The following PPFIA1 variants were observed in gnomAD, a reference collection of about 807,000 sequenced individuals.
PPFIA1 encodes PPFI scaffold protein A1.
In PPFIA1, 25 loss-of-function variants were observed where a neutral mutation model predicts 149.9. That is an observed-to-expected ratio of 0.17 (90% CI 0.12 to 0.23). PPFIA1 has a LOEUF of 0.23. PPFIA1 is among the 10% of genes least tolerant of loss of function. The pLI is 1.00. For missense variants in PPFIA1, 1,362 were observed against 1,506.5 expected (o/e 0.90, Z 1.59); for synonymous variants, 549 against 552.8 (o/e 0.99, Z 0.10).
chr11:70,332,412 A>G (rs752932721), intron 9 of PPFIA1, among the ~76,000 whole-genome samples: 7 of 152,194 alleles, frequency 4.6e-5, no homozygotes, highest in Admixed American at 2.6e-4. Context: ...AAAGAAGGGT[A>G]GTTTTTCTCA....
At chr11:70,292,022 A>G (rs1371445256) in intron 2 of PPFIA1, among the ~76,000 whole-genome samples, 1 of 151,964 alleles carries the variant, frequency 6.6e-6, no homozygotes, top group Non-Finnish European at 1.5e-5. Flanking sequence ...TATTTTTAGT[A>G]GAGACGGGGT....
At chr11:70,299,904 C>A (rs1281573445) in intron 2 of PPFIA1, among the ~76,000 whole-genome samples, 1 of 152,238 alleles carries the variant, frequency 6.6e-6, no homozygotes, top group Non-Finnish European at 1.5e-5. Flanking sequence ...TAACCTCAGC[C>A]ATCGCTTTGG....
intron 24 of PPFIA1, 111 bp from the exon 25 acceptor site, chr11:70,376,421 C>A: frequency 1.9e-6 from 2 of 1,076,998 alleles, no homozygotes; most frequent in Non-Finnish European, 2.8e-6. Context: ...GCCACCAGAC[C>A]CAGCCAGCAG....
chr11:70,382,109 G>A lies in PPFIA1; in HGVS notation c.3572G>A (p.Arg1191Lys). The A allele has an allele frequency of 1.2e-6, 2 of 1,614,070 alleles. No homozygotes were observed. Among genetic ancestry groups the A allele is most frequent in the Non-Finnish European group, 1.7e-6 (2 of 1,179,986 alleles). ...ACAGGCAATGTATCAGGAACACAGA[G>A]GTTGGATTCTGCTACAGTCAGGACT... ...QMDGNVSGTQ[R>K]LDSATVRTYS... Residue 1191 changes from arginine (R) to lysine (K), a missense_variant, in exon 27 of 28, where the codon AGG becomes AAG. By Grantham distance (26) the Arg-to-Lys change is conservative (BLOSUM62 2). This residue lies in a region of PPFIA1 where 349 missense variants were observed against 373.3 expected (regional missense o/e 0.93). Coordinates refer to ENST00000253925, the MANE Select transcript of PPFIA1 (RefSeq NM_003626.5).
At chr11:70,333,022 T>C in intron 9 of PPFIA1, 1 of 457,090 alleles carries the variant, frequency 2.2e-6, no homozygotes, top group South Asian at 1.5e-5. Context: ...GGCTTTGTAG[T>C]CTGACCTTTT....
chr11:70,344,140 G>A (rs1048681802), intron 15 of PPFIA1, among the ~76,000 whole-genome samples: 1 of 152,228 alleles, frequency 6.6e-6, no homozygotes, highest in Admixed American at 6.5e-5. Flanking sequence ...TGTGGGACCT[G>A]AGAGGTCCTT....
chr11:70,364,234 T>C (rs2056805817), intron 21 of PPFIA1: 1 of 152,192 alleles, frequency 6.6e-6, no homozygotes, highest in Non-Finnish European at 1.5e-5. Flanking sequence ...AGTTCACAAA[T>C]CTGCAAATGT....
chr11:70,356,318 G>A (rs925417178), intron 19 of PPFIA1, 64 bp downstream of exon 19: 1 of 1,244,144 alleles, frequency 8.0e-7, no homozygotes, highest in African/African-American at 1.5e-5. Context: ...GCTCTAACTA[G>A]TGTTTGTTAA....
At chr11:70,303,817 C>T (rs903160314) in intron 2 of PPFIA1, among the ~76,000 whole-genome samples, 1 of 152,102 alleles carries the variant, frequency 6.6e-6, no homozygotes, top group African/African-American at 2.4e-5. Context: ...AGCAGCCTGG[C>T]CAACATGGTG....
chr11:70,382,230 A>C, intron 27 of PPFIA1, 72 bp downstream of exon 27: 1 of 1,206,456 alleles, frequency 8.3e-7, no homozygotes, highest in Non-Finnish European at 1.2e-6. Flanking sequence ...CTGCAGTGCC[A>C]GACTAGGGGT....
intron 19 of PPFIA1, among the ~76,000 whole-genome samples, chr11:70,357,739 C>T (rs1289931025): frequency 6.6e-6 from 1 of 152,062 alleles, no homozygotes; most frequent in Non-Finnish European, 1.5e-5. Flanking sequence ...AGGCGCCCGC[C>T]ACCACACCCG....
intron 17 of PPFIA1, among the ~76,000 whole-genome samples, chr11:70,355,286 C>G (rs996027036): frequency 2.0e-5 from 3 of 152,122 alleles, no homozygotes; most frequent in Non-Finnish European, 4.4e-5. Flanking sequence ...TTGCAGTAAC[C>G]CCTCAGGCAG....
Position 70,378,136 on chromosome 11 carries a change from TCC to T in PPFIA1, c.3492_3493del (p.Phe1164LeufsTer52). 6.2e-7 allele frequency: 1 copy of T among 1,614,110 alleles called. No individual in the cohort carries two copies. On this transcript the variant is annotated frameshift_variant, in exon 26 of 28. Transcript: ENST00000253925. LOFTEE classifies it high-confidence loss of function. The stretch of plus-strand genomic sequence containing the variant: ...TCAGCAGAGACTCTCCCTGCAAACT[TCC>T]GGGTGACTTCTTCTATGTCTTCCCC...
At chr11:70,279,722 G>GGGGTGTGT (rs1264108021) in intron 2 of PPFIA1, among the ~76,000 whole-genome samples, 2 of 135,308 alleles carry the variant, frequency 1.5e-5, no homozygotes, top group African/African-American at 5.7e-5. Flanking sequence ...TATGTGTCTA[G>GGGGTGTGT]GTGTGTGTGT....
chr11:70,332,921 TA>T, intron 9 of PPFIA1: 2 of 416,132 alleles, frequency 4.8e-6, no homozygotes, highest in South Asian at 3.4e-5. Context: ...AGTTTGTTGC[TA>T]ACAGCTGTAA....
chr11:70,336,161 G>T (rs992123235), intron 11 of PPFIA1, among the ~76,000 whole-genome samples: 3 of 152,168 alleles, frequency 2.0e-5, no homozygotes, highest in African/African-American at 7.2e-5. Context: ...CCTGCACTAG[G>T]ATCATTTTTT....
At chr11:70,349,619 C>G (rs1013304605) in intron 16 of PPFIA1, among the ~76,000 whole-genome samples, 2 of 152,080 alleles carry the variant, frequency 1.3e-5, no homozygotes, top group African/African-American at 4.8e-5. Flanking sequence ...GTGTTGTTAG[C>G]CAGCATGCAA....
At position 70,305,949 on chromosome 11, in the gene PPFIA1, GGTTTAAAAAA is replaced by G. The variant is rs2052817782; in HGVS notation, c.265-18451_265-18442del. On this transcript the variant is annotated intron_variant, in intron 2 of 27. Coordinates refer to ENST00000253925, the MANE Select transcript of PPFIA1 (RefSeq NM_003626.5). ...AATCTACCCCTTATTGCCATGGGGA[GGTTTAAAAAA>G]GCAAAATTCAAAACGGAGAAATTGT... 2.0e-5 allele frequency among the ~76,000 whole-genome samples: 3 copies of G among 152,112 alleles called. 1 individual carries two copies. In the South Asian group the frequency reaches 6.2e-4, roughly 31 times the overall value.
At position 70,356,193 on chromosome 11, in the gene PPFIA1, G is replaced by C. The variant is rs777837352; in HGVS notation, c.2521G>C (p.Asp841His). Residue 841 changes from aspartate to histidine, a missense_variant, in exon 19 of 28, where the codon GAT (aspartate) becomes CAT (histidine). By Grantham distance (81) the Asp-to-His change is moderately conservative (BLOSUM62 -1). Coordinates refer to ENST00000253925, the MANE Select transcript of PPFIA1 (RefSeq NM_003626.5). ...GVSETDNSSQ[D>H]ALGLSKLGGQ... ...TTCCGAGACGGATAACTCATCTCAG[G>C]ATGCCTTGGGACTTAGCAAATTGGG... 11 of 1,614,002 alleles carry C rather than the reference G, an allele frequency of 6.8e-6. No homozygotes were observed. The South Asian group carries it at 1.2e-4, about 18-fold the overall frequency.
Sources: allele counts gnomAD v4.1 joint callset (sites outside exome capture counted in the v4.1 genomes callset), GRCh38; gene constraint gnomAD v4.1.1; regional missense constraint gnomAD v4.1.1; transcripts MANE v1.5; gene names NCBI Gene and HGNC (gene_info 2026-07-23, HGNC 2026-07-21).